The following WDR70 variants were observed in gnomAD, a reference collection of about 807,000 sequenced individuals.
The protein encoded by WDR70 is WD repeat-containing protein 70.
A neutral mutation model predicts 88.6 loss-of-function variants in WDR70; 53 were observed. The observed-to-expected ratio is 0.60, with a 90% confidence interval of 0.48 to 0.75. The LOEUF (loss-of-function observed/expected upper bound fraction) is 0.75, where lower values mean the gene tolerates loss of function less well. Among genes scored for constraint, WDR70 ranks in the 30% least tolerant of loss-of-function variants. The pLI, the probability that WDR70 is intolerant of heterozygous loss-of-function variation, is 0.00. For synonymous variants in WDR70, 280 were observed against 270.0 expected (o/e 1.04, Z -0.36); for missense variants, 610 against 823.2 (o/e 0.74, Z 3.17).
intron 13 of WDR70, among the ~76,000 whole-genome samples, chr5:37,707,363 G>A (rs953689173): frequency 6.6e-6 from 1 of 152,084 alleles, no homozygotes; most frequent in Non-Finnish European, 1.5e-5. Flanking sequence ...AAGGAGGAAA[G>A]GAAAAAAGCC....
intron 9 of WDR70, among the ~76,000 whole-genome samples, chr5:37,542,291 T>G (rs1321731399): frequency 6.6e-6 from 1 of 151,696 alleles, no homozygotes; most frequent in Non-Finnish European, 1.5e-5. Context: ...TTTTTTTTTT[T>G]TTTTGGGACA....
At chr5:37,441,749 CA>C (rs202103986) in intron 6 of WDR70, among the ~76,000 whole-genome samples, 5,257 of 151,902 alleles carry the variant, frequency 0.035, 312 homozygotes, top group African/African-American at 0.12. Context: ...TCCCAGCAGG[CA>C]GAAGTTGCAG....
At chr5:37,613,632 A>G (rs138063272) in intron 10 of WDR70, among the ~76,000 whole-genome samples, 2 of 152,306 alleles carry the variant, frequency 1.3e-5, no homozygotes, top group East Asian at 3.9e-4. Context: ...ATCTTCATGT[A>G]GAGTTGTTTG....
intron 11 of WDR70, among the ~76,000 whole-genome samples, chr5:37,699,534 T>A (rs1747090840): frequency 6.6e-6 from 1 of 152,120 alleles, no homozygotes; most frequent in Non-Finnish European, 1.5e-5. Context: ...CAGCAAAGAA[T>A]CCTCAGGGTG....
intron 17 of WDR70, among the ~76,000 whole-genome samples, chr5:37,733,751 TATTA>T (rs1461250640): frequency 6.6e-6 from 1 of 152,156 alleles, no homozygotes; most frequent in African/African-American, 2.4e-5. Context: ...TATATGTATA[TATTA>T]ATTTAGATAG....
At chr5:37,702,927 C>T (rs201229084) in intron 12 of WDR70, 22 bp from the exon 13 acceptor site, 36 of 1,595,240 alleles carry the variant, frequency 2.3e-5, no homozygotes, top group Admixed American at 1.0e-4. Context: ...AGCTTATACT[C>T]GTAAACTCTT....
chr5:37,548,742 C>T (rs575243498), intron 9 of WDR70, among the ~76,000 whole-genome samples: 1 of 152,184 alleles, frequency 6.6e-6, no homozygotes, highest in Admixed American at 6.5e-5. Context: ...GAGAGTTTCC[C>T]TAATGTTTTC....
At chr5:37,736,111 G>T (rs1748299413) in intron 17 of WDR70, among the ~76,000 whole-genome samples, 1 of 152,144 alleles carries the variant, frequency 6.6e-6, no homozygotes, top group Non-Finnish European at 1.5e-5. Context: ...GAGAGAAAAG[G>T]AGCTGGCTGG....
intron 10 of WDR70, among the ~76,000 whole-genome samples, chr5:37,680,452 G>A (rs2112616025): frequency 6.6e-6 from 1 of 152,186 alleles, no homozygotes; most frequent in East Asian, 1.9e-4. Flanking sequence ...CTTTTGGCAT[G>A]TTCATCATGA....
intron 8 of WDR70, among the ~76,000 whole-genome samples, chr5:37,513,194 C>T (rs1197372215): frequency 2.6e-5 from 4 of 152,090 alleles, no homozygotes; most frequent in Non-Finnish European, 4.4e-5. Flanking sequence ...ACTATGATGG[C>T]TATTATTAAG....
chr5:37,732,913 A>G (rs1222551577), intron 17 of WDR70, among the ~76,000 whole-genome samples: 2 of 152,056 alleles, frequency 1.3e-5, no homozygotes, highest in East Asian at 3.9e-4. Flanking sequence ...CTCCCGTCCA[A>G]TATTAGTCTT....
chr5:37,653,906 A>G (rs918842693), intron 10 of WDR70, among the ~76,000 whole-genome samples: 1 of 151,592 alleles, frequency 6.6e-6, no homozygotes, highest in African/African-American at 2.4e-5. Flanking sequence ...GGATTCATTG[A>G]TTTTTTTCTT....
At chr5:37,461,322 G>T (rs1738997404) in intron 7 of WDR70, among the ~76,000 whole-genome samples, 3 of 152,062 alleles carry the variant, frequency 2.0e-5, no homozygotes, top group Admixed American at 2.0e-4. Context: ...AGGCTGAAAA[G>T]ATTCTTCTTG....
At chr5:37,613,606 A>C (rs1361171565) in intron 10 of WDR70, among the ~76,000 whole-genome samples, 1 of 152,206 alleles carries the variant, frequency 6.6e-6, no homozygotes, top group African/African-American at 2.4e-5. Flanking sequence ...GAGACCCTAT[A>C]TTCCAGGCAA....
chr5:37,386,393 T>C (rs1748617195), intron 3 of WDR70, among the ~76,000 whole-genome samples: 1 of 152,120 alleles, frequency 6.6e-6, no homozygotes. Context: ...AATGGTGCAA[T>C]CTAGGCTCAC....
At chr5:37,494,820 T>C (rs1740168026) in intron 8 of WDR70, among the ~76,000 whole-genome samples, 1 of 152,262 alleles carries the variant, frequency 6.6e-6, no homozygotes, top group African/African-American at 2.4e-5. Flanking sequence ...GGTATTCAAA[T>C]GGATATTAAA....
intron 13 of WDR70, among the ~76,000 whole-genome samples, chr5:37,710,058 AG>A (rs1747463799): frequency 6.6e-6 from 1 of 152,086 alleles, no homozygotes; most frequent in African/African-American, 2.4e-5. Flanking sequence ...GTTTATTTGT[AG>A]GCACATGAGA....
chr5:37,577,008 T>A (rs1386903398), intron 9 of WDR70, among the ~76,000 whole-genome samples: 1 of 152,112 alleles, frequency 6.6e-6, no homozygotes, highest in Non-Finnish European at 1.5e-5. Flanking sequence ...GACAAGTGTG[T>A]GGCATGCTTC....
intron 8 of WDR70, among the ~76,000 whole-genome samples, chr5:37,507,284 A>G (rs1033028681): frequency 2.0e-5 from 3 of 152,188 alleles, no homozygotes; most frequent in Admixed American, 2.0e-4. Flanking sequence ...ATTTTGTTGT[A>G]TACAGAGAAT....
Sources: gnomAD v4.1 joint callset for allele counts (sites outside exome capture counted in the v4.1 genomes callset) on GRCh38, gnomAD v4.1.1 for gene constraint, MANE v1.5 for transcripts, NCBI Gene and HGNC (gene_info 2026-07-23, HGNC 2026-07-21) for gene names.